DHRSX: variants seen among roughly 807,000 people sequenced by gnomAD.
DHRSX encodes dehydrogenase/reductase X-linked, also known as polyprenol dehydrogenase.
Under a neutral mutation model 34.0 loss-of-function variants are expected in DHRSX, and 31 were observed. That is an observed-to-expected ratio of 0.91 (90% CI 0.69 to 1.23). The LOEUF is 1.23. DHRSX is among the 50% of genes most tolerant of loss of function. The pLI, the probability that DHRSX is intolerant of heterozygous loss-of-function variation, is 0.00. For synonymous variants in DHRSX, 201 were observed against 183.8 expected, an observed-to-expected ratio of 1.09 and a Z score of -0.76; for missense variants, 414 against 428.1, an observed-to-expected ratio of 0.97 and a Z score of 0.29.
chrX:2,223,313 TG>T (rs1466657510), intron 6 of DHRSX, among the ~76,000 whole-genome samples: 2 of 152,202 alleles, frequency 1.3e-5, no homozygotes, highest in African/African-American at 4.8e-5. Flanking sequence ...CCTGCTGCCA[TG>T]TAAGACATGC....
At chrX:2,238,186 T>C (rs1281203042) in intron 6 of DHRSX, among the ~76,000 whole-genome samples, 1 of 152,010 alleles carries the variant, frequency 6.6e-6, no homozygotes, top group Non-Finnish European at 1.5e-5. Flanking sequence ...AGACCTCGGC[T>C]CTACCAAAAA....
intron 1 of DHRSX, among the ~76,000 whole-genome samples, chrX:2,459,980 C>T (rs1352425249): frequency 6.6e-6 from 1 of 151,886 alleles, no homozygotes; most frequent in East Asian, 1.9e-4. Context: ...TGGTGGCGGG[C>T]GACTGTAATC....
rs1318399659 is a variant in DHRSX at position 2,298,616 on chromosome X, A to ACACACACACACG, written c.287-7014_287-7013insCGTGTGTGTGTG. On this transcript the variant is annotated intron_variant, in intron 3 of 6. Coordinates refer to ENST00000334651, the MANE Select transcript of DHRSX (RefSeq NM_145177.3). ...GGCGCGTGTGTACACACACACACAC[A>ACACACACACACG]CACACACACACACACACACACGAGG... 8.8e-4 allele frequency among the ~76,000 whole-genome samples: 122 copies of ACACACACACACG among 138,368 alleles called. 5 individuals are homozygous for ACACACACACACG. Among genetic ancestry groups the ACACACACACACG allele is most frequent in the African/African-American group, 3.5e-3 (105 of 29,980 alleles). 90.8% of individuals were successfully genotyped at this position (138,368 alleles called of 152,430 possible).
rs73628259 is a variant in DHRSX at position 2,258,751 on chromosome X, C to A, written c.596+7989G>T. On this transcript the variant is annotated intron_variant, in intron 5 of 6. Transcript: ENST00000334651. Reference sequence around the variant, plus strand: ...TAAGCTATGAACGATGAAAAAGGGGCCTATTTGGAAAGAGTCAGTGCCGTC... The same window carrying A: ...TAAGCTATGAACGATGAAAAAGGGGACTATTTGGAAAGAGTCAGTGCCGTC... Among the ~76,000 whole-genome samples the A allele has an allele frequency of 2.6e-5, 4 of 152,264 alleles. No individual in the cohort carries two copies. The East Asian group carries it at 7.7e-4, about 29-fold the overall frequency.
intron 5 of DHRSX, 70 bp downstream of exon 5, chrX:2,266,670 A>C: frequency 6.8e-7 from 1 of 1,470,716 alleles, no homozygotes; most frequent in Non-Finnish European, 9.5e-7. Context: ...CACACCGCAC[A>C]GACAGAGGGA....
intron 2 of DHRSX, among the ~76,000 whole-genome samples, chrX:2,415,395 G>A (rs1477123242): frequency 6.1e-5 from 9 of 148,496 alleles, no homozygotes; most frequent in Non-Finnish European, 8.9e-5. Flanking sequence ...TCATGATCTA[G>A]TACAACTAGC....
chrX:2,276,591 C>G (rs1457625403), intron 4 of DHRSX, among the ~76,000 whole-genome samples: 2 of 152,018 alleles, frequency 1.3e-5, no homozygotes, highest in Non-Finnish European at 2.9e-5. Flanking sequence ...GGGGAGTGAA[C>G]GCTCAGGGTC....
chrX:2,498,581 C>T (rs2045337689), intron 1 of DHRSX, among the ~76,000 whole-genome samples: 1 of 149,286 alleles, frequency 6.7e-6, no homozygotes, highest in Admixed American at 6.7e-5. Flanking sequence ...ACCAGAAGCT[C>T]GTCCTCTTTA....
At chrX:2,404,470 G>C (rs768396633) in intron 3 of DHRSX, among the ~76,000 whole-genome samples, 84 of 152,264 alleles carry the variant, frequency 5.5e-4, no homozygotes, top group African/African-American at 1.5e-3. Context: ...AGAAAACCCA[G>C]TTCTCCCTGA....
At chrX:2,477,560 G>C (rs1450142730) in intron 1 of DHRSX, among the ~76,000 whole-genome samples, 1 of 152,180 alleles carries the variant, frequency 6.6e-6, no homozygotes, top group African/African-American at 2.4e-5. Context: ...AGAAAGAAAG[G>C]TGCGGCCAGG....
At chrX:2,368,242 CAA>C (rs761239560) in intron 3 of DHRSX, among the ~76,000 whole-genome samples, 13 of 118,272 alleles carry the variant, frequency 1.1e-4, no homozygotes, top group Admixed American at 2.6e-4. Context: ...GACTCTGTCT[CAA>C]AAAAAAAAAA....
intron 5 of DHRSX, among the ~76,000 whole-genome samples, chrX:2,244,302 CCTCT>C (rs780533250): frequency 1.3e-5 from 2 of 150,644 alleles, no homozygotes; most frequent in Non-Finnish European, 3.0e-5. Flanking sequence ...GAGTAACGTG[CCTCT>C]CTCTCTCTCT....
chrX:2,231,551 T>C (rs2015879377), intron 6 of DHRSX, among the ~76,000 whole-genome samples: 1 of 150,864 alleles, frequency 6.6e-6, no homozygotes, highest in Admixed American at 6.6e-5. Flanking sequence ...TATCCCTTCC[T>C]CTTCCTTTTT....
chrX:2,307,988 C>A, intron 3 of DHRSX, among the ~76,000 whole-genome samples: 1 of 152,004 alleles, frequency 6.6e-6, no homozygotes, highest in South Asian at 2.1e-4. Context: ...GACCAGGGAA[C>A]CGAACACAGG....
At position 2,289,638 on chromosome X, in the gene DHRSX, C is replaced by T. The variant is rs369496119; in HGVS notation, c.388+1864G>A. The stretch of plus-strand genomic sequence containing the variant: ...TACACAGAACGAGGAAATGAGACGT[C>T]GGGTCGTGTAGGATCTCCACAGTGC... On this transcript the variant is annotated intron_variant, in intron 4 of 6. Transcript: ENST00000334651. Among the ~76,000 whole-genome samples, 205 of 152,268 alleles carry T rather than the reference C, an allele frequency of 1.3e-3. 1 individual carries two copies. The highest frequency in any genetic ancestry group is 4.7e-3 in the African/African-American group (194 of 41,556).
chrX:2,262,442 A>G, intron 5 of DHRSX, among the ~76,000 whole-genome samples: 1 of 151,968 alleles, frequency 6.6e-6, no homozygotes, highest in Non-Finnish European at 1.5e-5. Context: ...AGGCATGCAC[A>G]TCTCATGTGT....
intron 1 of DHRSX, among the ~76,000 whole-genome samples, chrX:2,454,483 A>G (rs1486763655): frequency 6.6e-6 from 1 of 151,004 alleles, no homozygotes; most frequent in Non-Finnish European, 1.5e-5. Context: ...GCCGAGATTG[A>G]GCTATTGCAC....
At chrX:2,485,588 A>G (rs1245221522) in intron 1 of DHRSX, among the ~76,000 whole-genome samples, 1 of 114,608 alleles carries the variant, frequency 8.7e-6, no homozygotes, top group African/African-American at 3.6e-5. Context: ...AGGAAGGAGG[A>G]AGGGAGGGAG....
At chrX:2,343,736 A>G (rs976458914) in intron 3 of DHRSX, among the ~76,000 whole-genome samples, 1 of 152,182 alleles carries the variant, frequency 6.6e-6, no homozygotes, top group African/African-American at 2.4e-5. Context: ...CCACATCAAT[A>G]TCCCTGTGCT....
Sources: allele counts gnomAD v4.1 joint callset (sites outside exome capture counted in the v4.1 genomes callset), GRCh38; gene constraint gnomAD v4.1.1; transcripts MANE v1.5; gene names NCBI Gene and HGNC (gene_info 2026-07-23, HGNC 2026-07-21).